Variants in DNAJB6 observed in about 807,000 individuals in gnomAD.
DNAJB6 encodes the protein DnaJ heat shock protein family (Hsp40) member B6, also known as dnaJ homolog subfamily B member 6.
DNAJB6 carries 16 observed loss-of-function variants against 42.7 expected under a neutral mutation model. The ratio of observed to expected loss-of-function variants is 0.37; its 90% confidence interval spans 0.25 to 0.57. The LOEUF is 0.57. DNAJB6 is among the 20% of genes least tolerant of loss of function. The pLI is 0.74. For missense variants in DNAJB6, 347 were observed against 416.8 expected, an observed-to-expected ratio of 0.83 and a Z score of 1.46; for synonymous variants, 170 against 163.5, an observed-to-expected ratio of 1.04 and a Z score of -0.30.
chr7:157,366,944 G>T (rs1007051858), intron 4 of DNAJB6, among the ~76,000 whole-genome samples: 12 of 152,264 alleles, frequency 7.9e-5, no homozygotes, highest in African/African-American at 2.9e-4. Flanking sequence ...CACGGTCACT[G>T]GGCTGTGACC....
chr7:157,337,877 GA>G (rs1422421863), intron 1 of DNAJB6: 1 of 152,088 alleles, frequency 6.6e-6, no homozygotes, highest in Non-Finnish European at 1.5e-5. Flanking sequence ...TGGCACTAGC[GA>G]ATTTTTTAAA....
At chr7:157,348,829 A>G (rs4716469) in intron 1 of DNAJB6, among the ~76,000 whole-genome samples, 2 of 151,704 alleles carry the variant, frequency 1.3e-5, no homozygotes, top group Admixed American at 6.6e-5. Flanking sequence ...GTTCCACCCT[A>G]CTAACTTGCT....
In DNAJB6 at chr7:157,358,616, C is replaced by T; in HGVS notation, c.44C>T (p.Ser15Leu). ...GTTCTAGGCGTGCAGAGACATGCCT[C>T]ACCCGAGGATATTAAAAAGGCGTAA... is the stretch of plus-strand genomic sequence containing the variant. The part of the protein sequence containing the change: ...YEVLGVQRHA[S>L]PEDIKKAYRK... Residue 15 changes from serine (S) to leucine (L), a missense_variant, in exon 2 of 10, where the codon TCA becomes TTA. By Grantham distance (145) the Ser-to-Leu change is moderately radical. Around this residue, in one of 3 missense-constraint regions of DNAJB6, gnomAD observed 78 missense variants for 102.1 expected, o/e 0.76. Transcript: ENST00000262177. 1 of 1,613,576 alleles carries T rather than the reference C, an allele frequency of 6.2e-7. No individual in the cohort carries two copies. Among genetic ancestry groups the T allele is most frequent in the Non-Finnish European group, 8.5e-7 (1 of 1,179,464 alleles).
At chr7:157,405,066 C>T (rs938319707) in intron 8 of DNAJB6, among the ~76,000 whole-genome samples, 4 of 152,202 alleles carry the variant, frequency 2.6e-5, no homozygotes, top group African/African-American at 9.6e-5. Flanking sequence ...GCGCCAGAAG[C>T]AGGGTCCTTG....
rs1335124114 is a variant in DNAJB6 at position 157,382,258 on chromosome 7, AGG to A, written c.360_361del (p.Asp121LeufsTer37). 1 of 1,599,406 alleles carries A rather than the reference AGG, an allele frequency of 6.3e-7. No homozygotes were observed. Among genetic ancestry groups the A allele is most frequent in the African/African-American group, 1.4e-5 (1 of 73,630 alleles). On this transcript the variant is annotated frameshift_variant, in exon 6 of 10. Coordinates refer to ENST00000262177, the MANE Select transcript of DNAJB6 (RefSeq NM_058246.4). LOFTEE classifies it high-confidence loss of function. ...TGTTTGATTTTAGAAGACCCTTTTG[AGG>A]ACTTCTTTGGGAATCGAAGGGGTCC...
At chr7:157,392,534 GA>G (rs1258935159) in intron 8 of DNAJB6, among the ~76,000 whole-genome samples, 1 of 152,052 alleles carries the variant, frequency 6.6e-6, no homozygotes, top group Non-Finnish European at 1.5e-5. Context: ...TGTTGTGTGG[GA>G]AACAGCCAGC....
chr7:157,392,082 A>G (rs1291266034), intron 8 of DNAJB6, among the ~76,000 whole-genome samples: 2 of 147,412 alleles, frequency 1.4e-5, no homozygotes, highest in Non-Finnish European at 3.0e-5. Context: ...AACCTGGGCA[A>G]CAAGGAGACC....
intron 8 of DNAJB6, among the ~76,000 whole-genome samples, chr7:157,409,213 C>A (rs569834579): frequency 1.3e-5 from 2 of 152,264 alleles, no homozygotes; most frequent in South Asian, 4.1e-4. Context: ...CTTTTCAGAG[C>A]GTTGAGAAGC....
chr7:157,383,239 G>A (rs13229507), intron 6 of DNAJB6, among the ~76,000 whole-genome samples: 61,715 of 151,946 alleles, frequency 0.41, 13,975 homozygotes, highest in Middle Eastern at 0.54. Flanking sequence ...AACTGACCTC[G>A]GGTGGATCCA....
At chr7:157,378,852 C>T (rs1800607724) in intron 5 of DNAJB6, 1 of 152,150 alleles carries the variant, frequency 6.6e-6, no homozygotes, top group African/African-American at 2.4e-5. Flanking sequence ...AAGGACTTGT[C>T]TGATCTCAAG....
chr7:157,353,922 CCAAAG>C (rs1799139193), intron 1 of DNAJB6, among the ~76,000 whole-genome samples: 1 of 152,070 alleles, frequency 6.6e-6, no homozygotes, highest in Non-Finnish European at 1.5e-5. Flanking sequence ...CCTTGGCCTC[CCAAAG>C]TGCTGGAATT....
At chr7:157,347,482 T>C (rs893137209) in intron 1 of DNAJB6, among the ~76,000 whole-genome samples, 1 of 152,144 alleles carries the variant, frequency 6.6e-6, no homozygotes. Flanking sequence ...ACTGGGACTT[T>C]AGGTGCACGT....
rs920735315 is a variant in DNAJB6 at position 157,416,884 on chromosome 7, A to T, written c.*786A>T. The T allele has an allele frequency of 6.6e-6, 1 of 152,164 alleles. No individual in the cohort carries two copies. Among genetic ancestry groups the T allele is most frequent in the African/African-American group, 2.4e-5 (1 of 41,404 alleles). 9.4% of individuals were successfully genotyped at this position (152,164 alleles called of 1,614,324 possible). On this transcript the variant is annotated 3_prime_UTR_variant, in exon 10 of 10. Coordinates refer to ENST00000262177, the MANE Select transcript of DNAJB6 (RefSeq NM_058246.4). ...CAAAACACCCAGAGACGGCACAAGG[A>T]GGTTGAACTCATGTTTCAGTTCGCG...
At chr7:157,390,216 C>T (rs1440853572) in intron 8 of DNAJB6, among the ~76,000 whole-genome samples, 1 of 152,166 alleles carries the variant, frequency 6.6e-6, no homozygotes, top group East Asian at 1.9e-4. Context: ...CCCCACACCC[C>T]TCCTGCTGTG....
At chr7:157,384,625 A>AG (rs1297307754) in intron 6 of DNAJB6, among the ~76,000 whole-genome samples, 1 of 152,110 alleles carries the variant, frequency 6.6e-6, no homozygotes, top group Admixed American at 6.5e-5. Flanking sequence ...GCATGAGGAG[A>AG]GGGGGAGGGG....
At chr7:157,351,621 A>C (rs1232018919) in intron 1 of DNAJB6, among the ~76,000 whole-genome samples, 6 of 149,418 alleles carry the variant, frequency 4.0e-5, no homozygotes, top group Non-Finnish European at 7.4e-5. Flanking sequence ...TGACATAGTG[A>C]GACTCTGTCT....
At chr7:157,402,028 C>T (rs191164312) in intron 8 of DNAJB6, among the ~76,000 whole-genome samples, 1 of 152,326 alleles carries the variant, frequency 6.6e-6, no homozygotes, top group East Asian at 1.9e-4. Flanking sequence ...ACGGAGGGAG[C>T]GTGTCTGCTC....
intron 2 of DNAJB6, among the ~76,000 whole-genome samples, chr7:157,359,098 G>A (rs1197343211): frequency 6.6e-6 from 1 of 152,188 alleles, no homozygotes; most frequent in Admixed American, 6.5e-5. Context: ...TGTGACCAGG[G>A]CCTGGCCATT....
At position 157,342,018 on chromosome 7, in the gene DNAJB6, C is replaced by G. The variant is rs556551796; in HGVS notation, c.-27+4874C>G. On this transcript the variant is annotated intron_variant, in intron 1 of 9. Transcript: ENST00000262177. Reference sequence around the variant, plus strand: ...GGTAGCTGAGATTACAGGCGTTCGCCACTACACCTGGCTAATTGTTGTATA... The same window carrying G: ...GGTAGCTGAGATTACAGGCGTTCGCGACTACACCTGGCTAATTGTTGTATA... Among the ~76,000 whole-genome samples the G allele has an allele frequency of 2.7e-4, 41 of 152,198 alleles. No individual in the cohort carries two copies. In the East Asian group the frequency reaches 7.9e-3, roughly 29 times the overall value.
Sources: gnomAD v4.1 joint callset for allele counts (sites outside exome capture counted in the v4.1 genomes callset) on GRCh38, gnomAD v4.1.1 for gene constraint, gnomAD v4.1.1 regional missense constraint, MANE v1.5 for transcripts, NCBI Gene and HGNC (gene_info 2026-07-23, HGNC 2026-07-21) for gene names.